The following ABCC4 variants were observed in gnomAD, a reference collection of about 807,000 sequenced individuals.
ABCC4 encodes ATP binding cassette subfamily C member 4 (PEL blood group), also known as ATP-binding cassette sub-family C member 4.
Under a neutral mutation model 168.5 loss-of-function variants are expected in ABCC4, and 102 were observed. The observed-to-expected ratio is 0.61, with a 90% CI of 0.52 to 0.71. The LOEUF is 0.71. Ranked by LOEUF, ABCC4 falls within the 30% of genes least tolerant of loss-of-function variation. The pLI is 0.00. For missense variants in ABCC4, 1,402 were observed against 1,605.8 expected (o/e 0.87, Z 2.17); for synonymous variants, 617 against 590.7 (o/e 1.04, Z -0.65).
At chr13:95,246,767 CTT>C (rs2040116568) in intron 3 of ABCC4, among the ~76,000 whole-genome samples, 1 of 152,208 alleles carries the variant, frequency 6.6e-6, no homozygotes, top group East Asian at 1.9e-4. Flanking sequence ...ACTTCAGTCA[CTT>C]AAGTATTCAC....
At chr13:95,156,221 T>TATC (rs2036848825) in intron 19 of ABCC4, among the ~76,000 whole-genome samples, 1 of 152,216 alleles carries the variant, frequency 6.6e-6, no homozygotes, top group African/African-American at 2.4e-5. Flanking sequence ...CCACAAAGAC[T>TATC]TTCATGTTTC....
At chr13:95,203,931 T>C (rs1408863241) in intron 8 of ABCC4, among the ~76,000 whole-genome samples, 2 of 152,202 alleles carry the variant, frequency 1.3e-5, no homozygotes, top group African/African-American at 4.8e-5. Flanking sequence ...TGGGTCTGTA[T>C]TGGGCCCCAG....
At chr13:95,261,023 T>C (rs934185355) in intron 1 of ABCC4, among the ~76,000 whole-genome samples, 2 of 151,894 alleles carry the variant, frequency 1.3e-5, no homozygotes, top group Non-Finnish European at 2.9e-5. Context: ...ACATCCTATT[T>C]CTCATTTACT....
intron 30 of ABCC4, among the ~76,000 whole-genome samples, chr13:95,027,532 A>G (rs1420121858): frequency 6.6e-6 from 1 of 152,240 alleles, no homozygotes; most frequent in African/African-American, 2.4e-5. Flanking sequence ...GATAAACTTT[A>G]GCTAACTAAA....
Position 95,059,729 on chromosome 13 carries a change from C to T in ABCC4, c.3366+2975G>A, listed in dbSNP as rs1594027052. Reference sequence around the variant, plus strand: ...TCACCAAGGATCACAAAAATAGAAACAGAAGTTAATGAGCCAAGTCCTTCT... The same window carrying T: ...TCACCAAGGATCACAAAAATAGAAATAGAAGTTAATGAGCCAAGTCCTTCT... On this transcript the variant is annotated intron_variant, in intron 26 of 30. Transcript: ENST00000645237. Among the ~76,000 whole-genome samples the T allele has an allele frequency of 3.3e-5, 5 of 152,094 alleles. 1 individual carries two copies. Among genetic ancestry groups the T allele is most frequent in the African/African-American group, 1.2e-4 (5 of 41,488 alleles).
At chr13:95,117,661 T>C (rs1409617316) in intron 19 of ABCC4, among the ~76,000 whole-genome samples, 1 of 152,110 alleles carries the variant, frequency 6.6e-6, no homozygotes, top group Non-Finnish European at 1.5e-5. Context: ...GTTAAAAAAT[T>C]TAAGACATAA....
At chr13:95,120,567 CA>C (rs35906536) in intron 19 of ABCC4, among the ~76,000 whole-genome samples, 44,086 of 90,156 alleles carry the variant, frequency 0.49, 10,144 homozygotes, top group South Asian at 0.66. Context: ...GAGACTCCGT[CA>C]AAAAAAAAAA....
intron 26 of ABCC4, among the ~76,000 whole-genome samples, chr13:95,061,931 C>T (rs1331703195): frequency 6.6e-6 from 1 of 152,116 alleles, no homozygotes; most frequent in Non-Finnish European, 1.5e-5. Context: ...GACAGGAGCT[C>T]TTATTGTACA....
chr13:95,185,630 C>T (rs2038033778), intron 11 of ABCC4, among the ~76,000 whole-genome samples: 1 of 150,938 alleles, frequency 6.6e-6, no homozygotes, highest in African/African-American at 2.5e-5. Context: ...GTCCAGGCCA[C>T]ACTGCACAGG....
intron 19 of ABCC4, among the ~76,000 whole-genome samples, chr13:95,134,815 G>A (rs1030199446): frequency 6.6e-6 from 1 of 152,142 alleles, no homozygotes; most frequent in African/African-American, 2.4e-5. Flanking sequence ...GGGAAGAGGA[G>A]TGCAAGAGGG....
chr13:95,077,529 G>T (rs184353470), intron 21 of ABCC4, among the ~76,000 whole-genome samples: 75 of 152,038 alleles, frequency 4.9e-4, no homozygotes, highest in Admixed American at 1.6e-3. Flanking sequence ...GTAGACACTG[G>T]GTTTCGTCAC....
chr13:95,021,430 A>G lies in ABCC4; in HGVS notation c.*145T>C. ...TTTTGTTAGAGCTGGAGATCCTTGG[A>G]TAAGTTGGGAGAAATATTCAAATGA... On this transcript the variant is annotated 3_prime_UTR_variant, in exon 31 of 31. Transcript: ENST00000645237. The G allele has an allele frequency of 1.8e-6, 1 of 559,398 alleles. No homozygotes were observed. The highest frequency in any genetic ancestry group is 3.2e-6 in the Non-Finnish European group (1 of 313,640). 34.7% of individuals were successfully genotyped at this position (559,398 alleles called of 1,614,324 possible).
At chr13:95,295,013 T>C (rs1395766423) in intron 1 of ABCC4, among the ~76,000 whole-genome samples, 1 of 152,080 alleles carries the variant, frequency 6.6e-6, no homozygotes, top group African/African-American at 2.4e-5. Context: ...AAATGTTTGC[T>C]AAATGAATAA....
chr13:95,237,648 G>C (rs2039810810), intron 3 of ABCC4, among the ~76,000 whole-genome samples: 1 of 152,124 alleles, frequency 6.6e-6, no homozygotes, highest in Non-Finnish European at 1.5e-5. Context: ...TCAGCCTCCT[G>C]ACATTCGAGC....
intron 19 of ABCC4, among the ~76,000 whole-genome samples, chr13:95,127,608 T>C (rs2035826610): frequency 6.6e-6 from 1 of 152,150 alleles, no homozygotes; most frequent in African/African-American, 2.4e-5. Context: ...TCTGCCTCTT[T>C]CCACTCCTGC....
chr13:95,097,762 TA>T (rs34194621), intron 20 of ABCC4, among the ~76,000 whole-genome samples: 71,309 of 148,254 alleles, frequency 0.48, 18,386 homozygotes, highest in African/African-American at 0.67. Flanking sequence ...TAAGGTTTTT[TA>T]AAAAAAAAAA....
chr13:95,084,922 A>G (rs1484895105), intron 20 of ABCC4, among the ~76,000 whole-genome samples: 2 of 152,252 alleles, frequency 1.3e-5, no homozygotes, highest in Non-Finnish European at 2.9e-5. Flanking sequence ...TTCAGTATTC[A>G]TCTTTATTAG....
Position 95,021,520 on chromosome 13 carries a change from A to T in ABCC4, c.*55T>A. 7.8e-7 allele frequency: 1 copy of T among 1,283,774 alleles called. No homozygotes were observed. The highest frequency in any genetic ancestry group is 1.1e-6 in the Non-Finnish European group (1 of 885,766). 79.5% of individuals were successfully genotyped at this position (1,283,774 alleles called of 1,614,324 possible). On this transcript the variant is annotated 3_prime_UTR_variant, in exon 31 of 31. Transcript: ENST00000645237. ...AAAAAAAGTACAATGTGGTTTACAT[A>T]GTCCAAAAACTAGTGGAAAATGCCT...
chr13:95,268,408 AG>A lies in ABCC4; in HGVS notation c.75-20656del, dbSNP rs548967754. Among the ~76,000 whole-genome samples the A allele has an allele frequency of 1.2e-4, 18 of 152,268 alleles. No homozygotes were observed. In the South Asian group the frequency reaches 3.5e-3, roughly 30 times the overall value. On this transcript the variant is annotated intron_variant, in intron 1 of 30. Coordinates refer to ENST00000645237, the MANE Select transcript of ABCC4 (RefSeq NM_005845.5). ...ACAATATGGCCTCGTGGGAAGGGAA[AG>A]ACCTGACCGTACCCCTGCCCAACAC...
Sources: gnomAD v4.1 joint callset for allele counts (sites outside exome capture counted in the v4.1 genomes callset) on GRCh38, gnomAD v4.1.1 for gene constraint, MANE v1.5 for transcripts, NCBI Gene and HGNC (gene_info 2026-07-23, HGNC 2026-07-21) for gene names.